Variants in LRP1B observed in about 807,000 individuals in gnomAD.
LRP1B encodes the protein LDL receptor related protein 1B.
LRP1B carries 217 observed loss-of-function variants against 556.6 expected under a neutral mutation model. That is an observed-to-expected ratio of 0.39 (90% CI 0.35 to 0.44). The LOEUF (loss-of-function observed/expected upper bound fraction) is 0.44, where lower values mean the gene tolerates loss of function less well. LRP1B is among the 20% of genes least tolerant of loss of function. The pLI, the probability that LRP1B is intolerant of heterozygous loss-of-function variation, is 1.00. For missense variants in LRP1B, 5,053 were observed against 5,620.8 expected, an observed-to-expected ratio of 0.90 and a Z score of 3.23; for synonymous variants, 2,047 against 1,865.8, an observed-to-expected ratio of 1.10 and a Z score of -2.50.
chr2:142,047,535 A>T (rs538386437), intron 1 of LRP1B, among the ~76,000 whole-genome samples: 3 of 150,698 alleles, frequency 2.0e-5, no homozygotes, highest in Non-Finnish European at 4.4e-5. Context: ...TTTTTTTTTT[A>T]AAGATTTAAT....
chr2:140,649,216 C>G (rs1204023164), intron 41 of LRP1B, among the ~76,000 whole-genome samples: 1 of 152,114 alleles, frequency 6.6e-6, no homozygotes, highest in Non-Finnish European at 1.5e-5. Context: ...TGATTTCCTA[C>G]CTAATTCAAG....
intron 1 of LRP1B, among the ~76,000 whole-genome samples, chr2:141,840,294 C>T (rs1453153081): frequency 2.6e-5 from 3 of 117,138 alleles, no homozygotes; most frequent in South Asian, 2.7e-4. Flanking sequence ...GACGGAATCT[C>T]GCTCTGTCGC....
At chr2:140,698,970 G>GT (rs1001132522) in intron 41 of LRP1B, among the ~76,000 whole-genome samples, 4 of 152,046 alleles carry the variant, frequency 2.6e-5, no homozygotes, top group East Asian at 1.9e-4. Context: ...AGAAAAGCCT[G>GT]TAAGTACTGG....
chr2:142,029,668 TAA>T (rs1456203085), intron 1 of LRP1B, among the ~76,000 whole-genome samples: 1 of 151,870 alleles, frequency 6.6e-6, no homozygotes, highest in Non-Finnish European at 1.5e-5. Flanking sequence ...CTCTCATTTT[TAA>T]AACTCTCATC....
chr2:141,774,524 C>A (rs2105622836), intron 2 of LRP1B, among the ~76,000 whole-genome samples: 1 of 152,246 alleles, frequency 6.6e-6, no homozygotes, highest in Admixed American at 6.5e-5. Context: ...CATACTCCAC[C>A]TCCAACACTG....
chr2:141,154,772 C>A (rs1468364519), intron 7 of LRP1B, among the ~76,000 whole-genome samples: 2 of 151,988 alleles, frequency 1.3e-5, no homozygotes, highest in South Asian at 4.1e-4. Context: ...CTACATGTCT[C>A]TAAAAAGTCA....
At chr2:141,175,851 G>T (rs1680710228) in intron 7 of LRP1B, among the ~76,000 whole-genome samples, 1 of 152,164 alleles carries the variant, frequency 6.6e-6, no homozygotes, top group African/African-American at 2.4e-5. Context: ...GCTGTACCAT[G>T]AAGAGCCACA....
At chr2:140,815,584 G>C (rs1437655691) in intron 31 of LRP1B, among the ~76,000 whole-genome samples, 3 of 152,124 alleles carry the variant, frequency 2.0e-5, no homozygotes, top group African/African-American at 7.2e-5. Flanking sequence ...ACTGGCCACA[G>C]GGCTACTGTG....
intron 11 of LRP1B, among the ~76,000 whole-genome samples, chr2:141,044,320 G>GA (rs1358515442): frequency 6.6e-6 from 1 of 151,546 alleles, no homozygotes; most frequent in Non-Finnish European, 1.5e-5. Flanking sequence ...AAAAACCCTA[G>GA]AAAAAAACCT....
chr2:141,449,831 A>G (rs1681345917), intron 3 of LRP1B, among the ~76,000 whole-genome samples: 2 of 152,198 alleles, frequency 1.3e-5, no homozygotes, highest in Non-Finnish European at 2.9e-5. Flanking sequence ...CAAATCTACT[A>G]CTGATATTTG....
At chr2:141,683,961 G>A (rs527651049) in intron 2 of LRP1B, among the ~76,000 whole-genome samples, 33 of 151,962 alleles carry the variant, frequency 2.2e-4, no homozygotes, top group Non-Finnish European at 4.3e-4. Context: ...GAGAAGATAT[G>A]GAGAAATAGG....
At chr2:141,265,773 T>A (rs776539230) in intron 3 of LRP1B, among the ~76,000 whole-genome samples, 1 of 152,208 alleles carries the variant, frequency 6.6e-6, no homozygotes, top group Non-Finnish European at 1.5e-5. Flanking sequence ...TATTGTTCCA[T>A]TTTATGAATG....
intron 2 of LRP1B, among the ~76,000 whole-genome samples, chr2:141,761,636 C>A (rs1486923421): frequency 6.6e-6 from 1 of 152,016 alleles, no homozygotes; most frequent in Non-Finnish European, 1.5e-5. Context: ...ATTTGCATAC[C>A]TGTTGGACAC....
chr2:141,418,432 A>T (rs1030139273), intron 3 of LRP1B, among the ~76,000 whole-genome samples: 331 of 140,902 alleles, frequency 2.3e-3, no homozygotes, highest in African/African-American at 7.7e-3. Context: ...AGAGCACAAT[A>T]TTTTTTTTTT....
chr2:141,685,385 G>T (rs1035968304), intron 2 of LRP1B, among the ~76,000 whole-genome samples: 1 of 151,998 alleles, frequency 6.6e-6, no homozygotes, highest in Admixed American at 6.6e-5. Context: ...ATTGGATTGA[G>T]ATTTTTGCAA....
intron 20 of LRP1B, among the ~76,000 whole-genome samples, chr2:140,946,520 G>A (rs1463316769): frequency 6.6e-6 from 1 of 152,216 alleles, no homozygotes; most frequent in Middle Eastern, 3.4e-3. Flanking sequence ...AGAGTTGCGT[G>A]AACCCAGGAG....
intron 2 of LRP1B, among the ~76,000 whole-genome samples, chr2:141,708,678 A>G (rs1172196817): frequency 1.1e-5 from 1 of 94,044 alleles, no homozygotes; most frequent in African/African-American, 4.5e-5. Flanking sequence ...CAAAATTTGT[A>G]TTTTTATGCA....
chr2:141,779,401 A>T (rs1211977741), intron 2 of LRP1B, among the ~76,000 whole-genome samples: 1 of 151,282 alleles, frequency 6.6e-6, no homozygotes, highest in African/African-American at 2.4e-5. Context: ...TTATAGACAA[A>T]TATGTTCAAA....
intron 2 of LRP1B, among the ~76,000 whole-genome samples, chr2:141,725,581 A>AT (rs1369351910): frequency 6.6e-6 from 1 of 151,908 alleles, no homozygotes; most frequent in African/African-American, 2.4e-5. Flanking sequence ...TTTGGGAAGG[A>AT]TTTTTTAAAA....
Sources: gnomAD v4.1 joint callset for allele counts (sites outside exome capture counted in the v4.1 genomes callset) on GRCh38, gnomAD v4.1.1 for gene constraint, MANE v1.5 for transcripts, NCBI Gene and HGNC (gene_info 2026-07-23, HGNC 2026-07-21) for gene names.